The following APLP2 variants were observed in gnomAD, a reference collection of about 807,000 sequenced individuals.
APLP2 encodes the protein CDEI box-binding protein.
Under a neutral mutation model 89.9 loss-of-function variants are expected in APLP2, and 53 were observed. The observed-to-expected ratio is 0.59, with a 90% CI of 0.47 to 0.74. The LOEUF is 0.74. Ranked by LOEUF, APLP2 falls within the 30% of genes least tolerant of loss-of-function variation. The pLI, the probability that APLP2 is intolerant of heterozygous loss-of-function variation, is 0.00. For synonymous variants in APLP2, 372 were observed against 348.6 expected, an observed-to-expected ratio of 1.07 and a Z score of -0.75; for missense variants, 973 against 975.9, an observed-to-expected ratio of 1.00 and a Z score of 0.04.
At chr11:130,092,788 AAACT>A (rs1233401720) in intron 1 of APLP2, among the ~76,000 whole-genome samples, 1 of 152,094 alleles carries the variant, frequency 6.6e-6, no homozygotes, top group Non-Finnish European at 1.5e-5. Context: ...ACGTATGAAT[AAACT>A]AACAAAGAAC....
At chr11:130,070,792 G>A in intron 1 of APLP2, 3 of 1,332,656 alleles carry the variant, frequency 2.3e-6, no homozygotes, top group Non-Finnish European at 2.9e-6. Flanking sequence ...TAGGGAAGGT[G>A]CCCGCGAAGG....
At chr11:130,106,916 C>G (rs192555844) in intron 1 of APLP2, among the ~76,000 whole-genome samples, 1 of 151,294 alleles carries the variant, frequency 6.6e-6, no homozygotes, top group Admixed American at 6.6e-5. Flanking sequence ...CTCGAACTCT[C>G]GACCTCGTGA....
rs1001936524 is a variant in APLP2, at chr11:130,141,211, G to A, written c.1924-287G>A. The A allele has an allele frequency of 1.1e-5, 4 of 350,436 alleles. No homozygotes were observed. The highest frequency in any genetic ancestry group is 2.1e-5 in the Non-Finnish European group (4 of 190,878). 21.7% of individuals were successfully genotyped at this position (350,436 alleles called of 1,614,324 possible). ...GTGAGCCACCGCGCCTGGTGTAAAC[G>A]GGGCTTTTTGGCAGTCTGTTCTGAG... On this transcript the variant is annotated intron_variant, in intron 14 of 16. Coordinates refer to ENST00000338167, the MANE Select transcript of APLP2 (RefSeq NM_001142276.2). The surrounding 1 kb of genome is among the most constrained non-coding windows in gnomAD (Gnocchi z 4.2).
At chr11:130,136,741 G>A (rs959095400) in intron 13 of APLP2, among the ~76,000 whole-genome samples, 3 of 152,122 alleles carry the variant, frequency 2.0e-5, no homozygotes, top group Non-Finnish European at 4.4e-5. Context: ...ATGAAAAGGC[G>A]CCATGCCACC....
chr11:130,122,452 T>C lies in APLP2; in HGVS notation c.861T>C (p.Asn287=). 1 of 1,613,996 alleles carries C rather than the reference T, an allele frequency of 6.2e-7. No homozygotes were observed. The highest frequency in any genetic ancestry group is 8.5e-7 in the Non-Finnish European group (1 of 1,179,986). The change falls in exon 6 of 17, where the codon AAT becomes AAC. Residue 287 remains asparagine (N), a synonymous_variant. Transcript: ENST00000338167. ...TFKGDDYNEE[N]PTEPGSDGTM... is the part of the protein sequence containing the mutation. The stretch of plus-strand genomic sequence containing the variant: ...AAGGAGATGACTACAATGAGGAGAA[T>C]CCTACTGAACCCGGCAGCGACGGCA...
intron 1 of APLP2, among the ~76,000 whole-genome samples, chr11:130,078,165 C>CTTTTTTTTTTTT (rs780312601): frequency 7.4e-6 from 1 of 135,286 alleles, no homozygotes; most frequent in Non-Finnish European, 1.6e-5. Flanking sequence ...GTTTTTCTTT[C>CTTTTTTTTTTTT]TTTTTTTTTT....
At position 130,123,930 on chromosome 11, in the gene APLP2, A is replaced by T; in HGVS notation, c.1090+151A>T. 1 of 854,888 alleles carries T rather than the reference A, an allele frequency of 1.2e-6. No individual in the cohort carries two copies. The highest frequency in any genetic ancestry group is 1.8e-6 in the Non-Finnish European group (1 of 552,836). 53.0% of individuals were successfully genotyped at this position (854,888 alleles called of 1,614,324 possible). ...TTCCCCTCATCTTTGTGCTTTCTAG[A>T]TCTAGGCTTTGCTCTCCTGCCGGCA... On this transcript the variant is annotated intron_variant, in intron 7 of 16. Coordinates refer to ENST00000338167, the MANE Select transcript of APLP2 (RefSeq NM_001142276.2). The surrounding 1 kb of genome is among the most constrained non-coding windows in gnomAD (Gnocchi z 4.0).
At chr11:130,119,236 C>T (rs562012489) in intron 3 of APLP2, among the ~76,000 whole-genome samples, 150 of 152,330 alleles carry the variant, frequency 9.8e-4, no homozygotes, top group African/African-American at 3.3e-3. Context: ...CCTGCCACTG[C>T]TTCCTGCATC....
rs1359066146 is a variant in APLP2 at position 130,139,955 on chromosome 11, T to C, written c.1838-443T>C. ...TATTTGAGGCAGAATGAATTCCCTGTGGGCTAACCTACTATGTCCAAGGCA... is the reference window on the plus strand; with the variant it reads ...TATTTGAGGCAGAATGAATTCCCTGCGGGCTAACCTACTATGTCCAAGGCA... On this transcript the variant is annotated intron_variant, in intron 13 of 16. Coordinates refer to ENST00000338167, the MANE Select transcript of APLP2 (RefSeq NM_001142276.2). 2.6e-5 allele frequency among the ~76,000 whole-genome samples: 4 copies of C among 152,282 alleles called. No individual in the cohort carries two copies. The East Asian group carries it at 7.7e-4, about 29-fold the overall frequency.
At chr11:130,083,236 C>T (rs979857218) in intron 1 of APLP2, among the ~76,000 whole-genome samples, 1 of 151,832 alleles carries the variant, frequency 6.6e-6, no homozygotes, top group Non-Finnish European at 1.5e-5. Context: ...TGGGGACTTG[C>T]TCTCTTGCCC....
In APLP2 at chr11:130,141,709, T is replaced by C. The variant is rs1952417889; in HGVS notation, c.1998+137T>C. On this transcript the variant is annotated intron_variant, in intron 15 of 16. Transcript: ENST00000338167. This position sits in a 1 kb window ranked among gnomAD's most constrained non-coding sequence, Gnocchi z 4.2. ...CCTCATCCCCAGCTTTCCGTACTTTTGGATAAGAAAGCTAAAATTAAAATC... is the reference window on the plus strand; with the variant it reads ...CCTCATCCCCAGCTTTCCGTACTTTCGGATAAGAAAGCTAAAATTAAAATC... The C allele has an allele frequency of 2.1e-6, 2 of 937,164 alleles. No homozygotes were observed. The highest frequency in any genetic ancestry group is 3.2e-6 in the Non-Finnish European group (2 of 629,602). 58.1% of individuals were successfully genotyped at this position (937,164 alleles called of 1,614,324 possible).
rs1385606023 is a variant in APLP2, at chr11:130,142,162, C to G, written c.2154+88C>G. 3.9e-5 allele frequency: 54 copies of G among 1,372,750 alleles called. No individual in the cohort carries two copies. The Admixed American group carries it at 1.2e-3, about 31-fold the overall frequency. The allele number at this position is 1,372,750 out of a possible 1,614,324, so 85.0% of individuals were successfully genotyped here. On this transcript the variant is annotated intron_variant, in intron 16 of 16. Transcript: ENST00000338167. Reference sequence around the variant, plus strand: ...GTGGAATTAATAGGCATCTTCACTCCTCGAGTACTGGACATGCTGCTGTTA... The same window carrying G: ...GTGGAATTAATAGGCATCTTCACTCGTCGAGTACTGGACATGCTGCTGTTA...
At chr11:130,117,506 G>A (rs904915104) in intron 3 of APLP2, among the ~76,000 whole-genome samples, 3 of 151,496 alleles carry the variant, frequency 2.0e-5, no homozygotes, top group Admixed American at 6.6e-5. Flanking sequence ...GCATGATCTC[G>A]GCTCACTGCA....
At chr11:130,083,985 G>A (rs1943681801) in intron 1 of APLP2, among the ~76,000 whole-genome samples, 2 of 152,310 alleles carry the variant, frequency 1.3e-5, no homozygotes, top group South Asian at 4.1e-4. Context: ...GGTGCCTCAC[G>A]CCTGTAATCC....
intron 1 of APLP2, among the ~76,000 whole-genome samples, chr11:130,073,932 A>AT (rs1162268523): frequency 6.6e-6 from 1 of 152,194 alleles, no homozygotes; most frequent in African/African-American, 2.4e-5. Context: ...AATTGTTAAC[A>AT]TTTCTTCTAG....
intron 3 of APLP2, among the ~76,000 whole-genome samples, chr11:130,119,153 C>G (rs747888235): frequency 6.6e-6 from 1 of 152,140 alleles, no homozygotes; most frequent in African/African-American, 2.4e-5. Context: ...TTTCTTAGAC[C>G]ACATTACTTT....
intron 1 of APLP2, among the ~76,000 whole-genome samples, chr11:130,091,542 G>C (rs1945204887): frequency 6.9e-6 from 1 of 143,988 alleles, no homozygotes; most frequent in Non-Finnish European, 1.5e-5. Flanking sequence ...CGGGCGGGGG[G>C]CTGACCCCCC....
chr11:130,099,434 G>C (rs770356782), intron 1 of APLP2, among the ~76,000 whole-genome samples: 26 of 152,196 alleles, frequency 1.7e-4, no homozygotes, highest in Non-Finnish European at 3.8e-4. Flanking sequence ...ACATAGCAAG[G>C]AAGCAGAATG....
intron 1 of APLP2, among the ~76,000 whole-genome samples, chr11:130,094,828 TGCC>T (rs1351850650): frequency 2.0e-5 from 3 of 152,142 alleles, no homozygotes; most frequent in African/African-American, 7.2e-5. Context: ...ATGAGAGCTG[TGCC>T]GAGGCAGAGA....
Sources: allele counts gnomAD v4.1 joint callset (sites outside exome capture counted in the v4.1 genomes callset), GRCh38; gene constraint gnomAD v4.1.1; non-coding constraint Gnocchi (gnomAD v3.1); transcripts MANE v1.5; gene names NCBI Gene and HGNC (gene_info 2026-07-23, HGNC 2026-07-21).